The following ZNF609 variants were observed in gnomAD, a reference collection of about 807,000 sequenced individuals.
ZNF609 encodes the protein zinc finger protein 609.
In ZNF609, 11 loss-of-function variants were observed where a neutral mutation model predicts 109.5. The ratio of observed to expected loss-of-function variants is 0.10; its 90% confidence interval spans 0.06 to 0.17. The LOEUF is 0.17. ZNF609 is among the 10% of genes least tolerant of loss of function. The probability of loss-of-function intolerance (pLI) is 1.00; values close to 1 mark genes in which losing one functional copy is unlikely to be tolerated. For synonymous variants in ZNF609, 646 were observed against 662.0 expected (o/e 0.98, Z 0.37); for missense variants, 1,559 against 1,772.4 (o/e 0.88, Z 2.16).
chr15:64,465,831 A>G (rs1384296897), intron 1 of ZNF609, among the ~76,000 whole-genome samples: 1 of 151,706 alleles, frequency 6.6e-6, no homozygotes, highest in African/African-American at 2.4e-5. Flanking sequence ...AAAAACGGAT[A>G]TAGGCCGGGC....
intron 2 of ZNF609, among the ~76,000 whole-genome samples, chr15:64,540,556 C>T (rs1835348925): frequency 6.6e-6 from 1 of 151,796 alleles, no homozygotes. Flanking sequence ...AGGTGCGTGC[C>T]ACTGTGCCCA....
At chr15:64,537,226 G>A (rs942619567) in intron 2 of ZNF609, among the ~76,000 whole-genome samples, 37 of 147,332 alleles carry the variant, frequency 2.5e-4, no homozygotes, top group African/African-American at 6.8e-4. Context: ...CGCTGGGTGC[G>A]GTGGTTCACA....
intron 2 of ZNF609, among the ~76,000 whole-genome samples, chr15:64,603,035 G>A (rs1353738257): frequency 3.3e-5 from 5 of 150,624 alleles, no homozygotes; most frequent in African/African-American, 7.3e-5. Context: ...GTGAGCTGCC[G>A]TGCCCGGCAC....
chr15:64,552,171 T>C (rs956334996), intron 2 of ZNF609, among the ~76,000 whole-genome samples: 42 of 152,132 alleles, frequency 2.8e-4, no homozygotes, highest in Non-Finnish European at 7.3e-5. Flanking sequence ...AGTTCTTAAT[T>C]TGGAAGTTTA....
intron 1 of ZNF609, among the ~76,000 whole-genome samples, chr15:64,475,097 C>CTTTTTTTTTTTTT: frequency 1.1e-5 from 1 of 93,064 alleles, no homozygotes; most frequent in Non-Finnish European, 2.1e-5. Context: ...CCAGTTTATC[C>CTTTTTTTTTTTTT]TTTTTTTTTT....
rs1283566076 is a variant in ZNF609, at chr15:64,684,319, C to T, written c.*2633C>T. ...GGCTGGAAAAATTTGCTACCAAGGG[C>T]CAAGACCACCAGACCAAGCCTGTTT... On this transcript the variant is annotated 3_prime_UTR_variant, in exon 10 of 10. Coordinates refer to ENST00000326648, the MANE Select transcript of ZNF609 (RefSeq NM_015042.2). 1.3e-5 allele frequency: 2 copies of T among 152,598 alleles called. No individual in the cohort carries two copies. Among genetic ancestry groups the T allele is most frequent in the African/African-American group, 2.4e-5 (1 of 41,450 alleles). 9.5% of individuals were successfully genotyped at this position (152,598 alleles called of 1,614,324 possible).
At chr15:64,574,570 G>A (rs551905248) in intron 2 of ZNF609, among the ~76,000 whole-genome samples, 59 of 152,228 alleles carry the variant, frequency 3.9e-4, no homozygotes, top group African/African-American at 1.4e-3. Flanking sequence ...GACAAAATCT[G>A]GACTACATAT....
chr15:64,675,999 A>C lies in ZNF609; in HGVS notation c.3145A>C (p.Thr1049Pro), dbSNP rs759854597. 3 of 1,614,054 alleles carry C rather than the reference A, an allele frequency of 1.9e-6. No homozygotes were observed. The highest frequency in any genetic ancestry group is 1.7e-6 in the Non-Finnish European group (2 of 1,179,996). ...GAAGCAAAAGCCGTCAATTCCACCA[A>C]CTCTCACCAAGGCCCCCAGCCTGAC... Reference protein sequence around the residue: ...EWKQKPSIPPTLTKAPSLTDL... With the variant: ...EWKQKPSIPPPLTKAPSLTDL... Residue 1049 changes from threonine to proline, a missense_variant, in exon 5 of 10, where the codon ACT becomes CCT. Thr to Pro is a conservative substitution (Grantham distance 38). This residue lies in a region of ZNF609 where 1,204 missense variants were observed against 1,314.1 expected (regional missense o/e 0.92). Coordinates refer to ENST00000326648, the MANE Select transcript of ZNF609 (RefSeq NM_015042.2).
At chr15:64,476,505 G>T (rs978052946) in intron 1 of ZNF609, among the ~76,000 whole-genome samples, 3 of 152,142 alleles carry the variant, frequency 2.0e-5, no homozygotes, top group African/African-American at 7.2e-5. Flanking sequence ...GAAATGTTGT[G>T]TTACTGGGTT....
At chr15:64,558,476 T>A (rs72742916) in intron 2 of ZNF609, among the ~76,000 whole-genome samples, 7,328 of 152,324 alleles carry the variant, frequency 0.048, 235 homozygotes, top group South Asian at 0.086. Context: ...ATAAGTACTA[T>A]GTAAGTATTG....
chr15:64,510,430 C>A (rs1208697426), intron 2 of ZNF609, among the ~76,000 whole-genome samples: 1 of 151,852 alleles, frequency 6.6e-6, no homozygotes, highest in East Asian at 1.9e-4. Flanking sequence ...GTCTGAAACT[C>A]CTGGGCTCAA....
chr15:64,574,845 T>C (rs1894922779), intron 2 of ZNF609, among the ~76,000 whole-genome samples: 1 of 152,184 alleles, frequency 6.6e-6, no homozygotes, highest in Admixed American at 6.5e-5. Context: ...GTCTTTATCT[T>C]ACTGCTAGGG....
chr15:64,599,225 G>A (rs373633166), intron 2 of ZNF609, among the ~76,000 whole-genome samples: 1 of 66,116 alleles, frequency 1.5e-5, no homozygotes, highest in African/African-American at 6.0e-5. Flanking sequence ...AAACAAAAAA[G>A]TAAAAAATTT....
intron 2 of ZNF609, among the ~76,000 whole-genome samples, chr15:64,563,852 G>GGCCCAA (rs1894730448): frequency 6.6e-6 from 1 of 152,040 alleles, no homozygotes; most frequent in Non-Finnish European, 1.5e-5. Context: ...TCCCAAAGTG[G>GGCCCAA]TGGGATTACA....
At chr15:64,532,614 T>G (rs1187117859) in intron 2 of ZNF609, among the ~76,000 whole-genome samples, 1 of 152,230 alleles carries the variant, frequency 6.6e-6, no homozygotes, top group Non-Finnish European at 1.5e-5. Flanking sequence ...TGCTCACGTT[T>G]TAAACATCTT....
intron 3 of ZNF609, among the ~76,000 whole-genome samples, chr15:64,644,830 CAT>C (rs1896306673): frequency 6.6e-6 from 1 of 152,122 alleles, no homozygotes; most frequent in Non-Finnish European, 1.5e-5. Context: ...TACTAAGTCA[CAT>C]TATAATAAGA....
chr15:64,464,701 G>A (rs937750138), intron 1 of ZNF609, among the ~76,000 whole-genome samples: 2 of 152,172 alleles, frequency 1.3e-5, no homozygotes, highest in Non-Finnish European at 2.9e-5. Context: ...ATGAAGATAG[G>A]TGATGTTGAT....
At chr15:64,496,763 T>C (rs1269970472) in intron 1 of ZNF609, among the ~76,000 whole-genome samples, 2 of 152,220 alleles carry the variant, frequency 1.3e-5, no homozygotes, top group Non-Finnish European at 2.9e-5. Flanking sequence ...CCAAACAGGT[T>C]ACTAATTTCT....
intron 2 of ZNF609, among the ~76,000 whole-genome samples, chr15:64,579,406 T>C (rs1567020084): frequency 7.3e-6 from 1 of 136,770 alleles, no homozygotes; most frequent in Non-Finnish European, 1.5e-5. Flanking sequence ...CAAGACCCTG[T>C]CTCAAAAAAA....
Sources: allele counts gnomAD v4.1 joint callset (sites outside exome capture counted in the v4.1 genomes callset), GRCh38; gene constraint gnomAD v4.1.1; regional missense constraint gnomAD v4.1.1; transcripts MANE v1.5; gene names NCBI Gene and HGNC (gene_info 2026-07-23, HGNC 2026-07-21).